The following ACOXL variants were observed in gnomAD, a reference collection of about 807,000 sequenced individuals.
ACOXL encodes the protein acyl-coenzyme A oxidase-like protein.
Under a neutral mutation model 71.9 loss-of-function variants are expected in ACOXL, and 70 were observed. The ratio of observed to expected loss-of-function variants is 0.97; its 90% CI spans 0.80 to 1.19. The LOEUF is 1.19. ACOXL is among the 50% of genes most tolerant of loss of function. ACOXL has a pLI of 0.00. For missense variants in ACOXL, 703 were observed against 736.3 expected (o/e 0.95, Z 0.52); for synonymous variants, 253 against 281.6 (o/e 0.90, Z 1.02).
chr2:110,776,061 A>T (rs2105075246), intron 2 of ACOXL, among the ~76,000 whole-genome samples: 1 of 152,370 alleles, frequency 6.6e-6, no homozygotes, highest in African/African-American at 2.4e-5. Flanking sequence ...ACATGTTGTA[A>T]TACATACAAT....
At chr2:111,090,910 C>G (rs1360753644) in intron 16 of ACOXL, among the ~76,000 whole-genome samples, 3 of 152,134 alleles carry the variant, frequency 2.0e-5, no homozygotes, top group Non-Finnish European at 4.4e-5. Flanking sequence ...CCATGGAATC[C>G]TCGCCTTTTG....
chr2:110,947,658 C>G (rs1451663351), intron 12 of ACOXL, among the ~76,000 whole-genome samples: 1 of 152,192 alleles, frequency 6.6e-6, no homozygotes, highest in African/African-American at 2.4e-5. Flanking sequence ...TGGGAGCTGC[C>G]TGGTTGGGGT....
chr2:110,958,303 C>T (rs115498417), intron 12 of ACOXL, among the ~76,000 whole-genome samples: 2,427 of 152,258 alleles, frequency 0.016, 73 homozygotes, highest in African/African-American at 0.054. Flanking sequence ...GCCCCACGCA[C>T]CTTCAGCGAA....
rs139182540 is a variant in ACOXL, at chr2:111,042,536, G to A, written c.1370-6682G>A. ...AAGAAGCCATAGAGTGGACAGAAGT[G>A]GAGGTGGCAGAGTGAAGGGCTTGAA... On this transcript the variant is annotated intron_variant, in intron 15 of 17. Transcript: ENST00000439055. Among the ~76,000 whole-genome samples, 51 of 152,360 alleles carry A rather than the reference G, an allele frequency of 3.3e-4. 1 individual carries two copies. The highest frequency in any genetic ancestry group is 1.2e-3 in the African/African-American group (50 of 41,584).
At chr2:110,853,337 T>C (rs549364208) in intron 10 of ACOXL, among the ~76,000 whole-genome samples, 4 of 152,270 alleles carry the variant, frequency 2.6e-5, no homozygotes, top group Non-Finnish European at 5.9e-5. Context: ...ATGGGAAAAG[T>C]GCCTGGGTAG....
At chr2:111,068,697 C>G (rs536901756) in intron 16 of ACOXL, among the ~76,000 whole-genome samples, 1 of 152,290 alleles carries the variant, frequency 6.6e-6, no homozygotes, top group South Asian at 2.1e-4. Context: ...AACAATTAAT[C>G]CAGATGGTCA....
intron 10 of ACOXL, among the ~76,000 whole-genome samples, chr2:110,846,370 T>A (rs1691832569): frequency 6.6e-6 from 1 of 151,982 alleles, no homozygotes; most frequent in Non-Finnish European, 1.5e-5. Context: ...AGGCGATGAA[T>A]GTGCAGAGGA....
chr2:111,019,437 T>C (rs1046163561), intron 14 of ACOXL, among the ~76,000 whole-genome samples: 2 of 152,224 alleles, frequency 1.3e-5, no homozygotes, highest in African/African-American at 4.8e-5. Context: ...AAAGGCTCGG[T>C]AATGAAAACC....
At chr2:110,901,870 A>G (rs1393553744) in intron 10 of ACOXL, among the ~76,000 whole-genome samples, 1 of 151,974 alleles carries the variant, frequency 6.6e-6, no homozygotes, top group African/African-American at 2.4e-5. Context: ...TACTAAAAAT[A>G]CAAAAAATTA....
At chr2:110,865,421 C>T (rs1694464459) in intron 10 of ACOXL, among the ~76,000 whole-genome samples, 1 of 152,136 alleles carries the variant, frequency 6.6e-6, no homozygotes, top group Non-Finnish European at 1.5e-5. Context: ...GAACTATGGC[C>T]TGATTTCACA....
At chr2:111,112,075 G>A (rs1011856588) in intron 17 of ACOXL, among the ~76,000 whole-genome samples, 11 of 152,158 alleles carry the variant, frequency 7.2e-5, no homozygotes, top group Admixed American at 2.6e-4. Context: ...GGTAAGGAAG[G>A]CAATTTCTCT....
intron 10 of ACOXL, among the ~76,000 whole-genome samples, chr2:110,875,485 A>T (rs1464289296): frequency 6.6e-6 from 1 of 152,252 alleles, no homozygotes; most frequent in East Asian, 1.9e-4. Flanking sequence ...CCCAGAAGTC[A>T]CCGACCCAGC....
chr2:111,097,831 G>A (rs1279071126), intron 17 of ACOXL, among the ~76,000 whole-genome samples: 1 of 152,178 alleles, frequency 6.6e-6, no homozygotes. Flanking sequence ...TAAATAAATG[G>A]GGGAAAGACA....
At chr2:111,009,240 A>G (rs2064019709) in intron 14 of ACOXL, among the ~76,000 whole-genome samples, 1 of 152,216 alleles carries the variant, frequency 6.6e-6, no homozygotes, top group Admixed American at 6.5e-5. Context: ...GAGGCTAGGC[A>G]TGGTGGCTCA....
chr2:110,984,792 C>G (rs1392113426), intron 12 of ACOXL, among the ~76,000 whole-genome samples: 2 of 152,090 alleles, frequency 1.3e-5, no homozygotes, highest in African/African-American at 2.4e-5. Context: ...ATAGGGAGAA[C>G]AGGAAGGGAA....
At chr2:110,943,057 A>AAAGGAAGGAAGAAAG (rs558546854) in intron 12 of ACOXL, among the ~76,000 whole-genome samples, 3,400 of 146,022 alleles carry the variant, frequency 0.023, 59 homozygotes, top group Non-Finnish European at 0.041. Flanking sequence ...GGAAGAAAGA[A>AAAGGAAGGAAGAAAG]AAGGAAGAAG....
chr2:110,894,243 A>T (rs968394866), intron 10 of ACOXL, among the ~76,000 whole-genome samples: 2 of 152,016 alleles, frequency 1.3e-5, no homozygotes, highest in African/African-American at 4.8e-5. Flanking sequence ...ATGATGCAAT[A>T]GAGAGCTCTC....
chr2:110,842,161 C>G (rs1478596784), intron 10 of ACOXL, among the ~76,000 whole-genome samples: 5 of 152,112 alleles, frequency 3.3e-5, no homozygotes, highest in Non-Finnish European at 5.9e-5. Flanking sequence ...ATGCTCATAA[C>G]AAGTGTATAC....
chr2:110,891,632 C>T (rs192061013), intron 10 of ACOXL, among the ~76,000 whole-genome samples: 84 of 152,060 alleles, frequency 5.5e-4, no homozygotes, highest in Admixed American at 4.1e-3. Flanking sequence ...AGATCTTCCT[C>T]CATTTGCTGT....
Sources: allele counts gnomAD v4.1 joint callset (sites outside exome capture counted in the v4.1 genomes callset), GRCh38; gene constraint gnomAD v4.1.1; transcripts MANE v1.5; gene names NCBI Gene and HGNC (gene_info 2026-07-23, HGNC 2026-07-21).